GLYAT: variants seen among roughly 807,000 people sequenced by gnomAD.
GLYAT encodes glycine-N-acyltransferase.
Under a neutral mutation model 22.8 loss-of-function variants are expected in GLYAT, and 25 were observed. That is an observed-to-expected ratio of 1.09 (90% confidence interval 0.80 to 1.53). The LOEUF is 1.53. Ranked by LOEUF, GLYAT falls within the 40% of genes most tolerant of loss-of-function variation. GLYAT has a pLI of 0.00. For synonymous variants in GLYAT, 140 were observed against 122.7 expected (o/e 1.14, Z -0.93); for missense variants, 411 against 353.9 (o/e 1.16, Z -1.29).
intron 2 of GLYAT, among the ~76,000 whole-genome samples, chr11:58,718,881 A>G (rs762649455): frequency 8.6e-5 from 13 of 152,028 alleles, no homozygotes; most frequent in Non-Finnish European, 1.8e-4. Context: ...TATGATTATT[A>G]TTGATAATGT....
chr11:58,719,678 C>A (rs1590671108), intron 2 of GLYAT, among the ~76,000 whole-genome samples: 1 of 151,878 alleles, frequency 6.6e-6, no homozygotes, highest in Non-Finnish European at 1.5e-5. Context: ...GAAGATGAGG[C>A]TTTAATTGCT....
chr11:58,718,798 A>G (rs1203120314), intron 2 of GLYAT, among the ~76,000 whole-genome samples: 1 of 151,994 alleles, frequency 6.6e-6, no homozygotes, highest in East Asian at 1.9e-4. Flanking sequence ...TCCATGGATT[A>G]AAAAAAGGTT....
chr11:58,715,916 A>G (rs1169874595), intron 2 of GLYAT, among the ~76,000 whole-genome samples: 4 of 152,150 alleles, frequency 2.6e-5, no homozygotes, highest in Non-Finnish European at 5.9e-5. Flanking sequence ...ATGGGTACCT[A>G]CCATTTTCTT....
intron 1 of GLYAT, among the ~76,000 whole-genome samples, chr11:58,726,241 T>TA (rs1231954839): frequency 6.6e-6 from 1 of 152,138 alleles, no homozygotes. Context: ...CCTGACTATC[T>TA]ACCTTGTGTA....
chr11:58,731,527 G>C (rs898895686), intron 1 of GLYAT, among the ~76,000 whole-genome samples: 4 of 151,954 alleles, frequency 2.6e-5, no homozygotes, highest in Non-Finnish European at 5.9e-5. Context: ...AAGTGGAAGA[G>C]GTGTCACAAA....
intron 2 of GLYAT, 39 bp from the exon 3 acceptor site, chr11:58,715,462 G>A: frequency 1.1e-6 from 1 of 874,734 alleles, no homozygotes; most frequent in South Asian, 1.4e-5. Context: ...TGGTTTATTT[G>A]AAAAAAACAG....
intron 1 of GLYAT, among the ~76,000 whole-genome samples, chr11:58,726,549 G>A (rs912323873): frequency 1.3e-5 from 2 of 152,046 alleles, no homozygotes; most frequent in African/African-American, 2.4e-5. Context: ...CTTTTTCTTA[G>A]CCCTGTCCTC....
rs778428022 is a variant in GLYAT at position 58,712,831 on chromosome 11, T to A, written c.245A>T (p.Asp82Val). 39 of 1,609,250 alleles carry A rather than the reference T, an allele frequency of 2.4e-5. No homozygotes were observed. Among genetic ancestry groups the A allele is most frequent in the Admixed American group, 1.7e-4 (10 of 59,944 alleles). The change falls in exon 4 of 6, where the codon GAT becomes GTT. Residue 82 changes from aspartate (D) to valine (V), a missense_variant. Coordinates refer to ENST00000344743, the MANE Select transcript of GLYAT (RefSeq NM_201648.3). ...YTNTYQIYSK[D>V]PQNCQEFLGS... ...AAGGAATTCCTGACAGTTTTGGGGA[T>A]CTTTGGAGTAGATTTGGTAAGTATT...
chr11:58,725,195 C>T (rs1856799459), intron 1 of GLYAT, among the ~76,000 whole-genome samples: 3 of 152,250 alleles, frequency 2.0e-5, no homozygotes, highest in Non-Finnish European at 4.4e-5. Context: ...CTTGTACTTT[C>T]ACCAAGCCTC....
At chr11:58,731,058 G>A (rs1422132661) in intron 1 of GLYAT, among the ~76,000 whole-genome samples, 1 of 152,104 alleles carries the variant, frequency 6.6e-6, no homozygotes, top group Non-Finnish European at 1.5e-5. Context: ...GAATAAATAA[G>A]TAAATGGTGG....
chr11:58,716,912 A>G (rs1285953827), intron 2 of GLYAT, among the ~76,000 whole-genome samples: 1 of 152,082 alleles, frequency 6.6e-6, no homozygotes, highest in Non-Finnish European at 1.5e-5. Context: ...GAAAAGTGGG[A>G]CTTCTTGAAG....
Position 58,715,396 on chromosome 11 carries a change from G to A in GLYAT, c.109C>T (p.His37Tyr), listed in dbSNP as rs1253631598. Residue 37 changes from histidine to tyrosine, a missense_variant, in exon 3 of 6, where the codon CAT (histidine) becomes TAT (tyrosine). Coordinates refer to ENST00000344743, the MANE Select transcript of GLYAT (RefSeq NM_201648.3). ...KVYGTVFHINHGNPFNLKAVV... is the reference protein window; with the variant it reads ...KVYGTVFHINYGNPFNLKAVV... ...GCCTTCAGATTGAATGGATTTCCATGGTTTATGTGAAAGACAGTTCCATAA... is the reference window on the plus strand; with the variant it reads ...GCCTTCAGATTGAATGGATTTCCATAGTTTATGTGAAAGACAGTTCCATAA... 1 of 1,578,356 alleles carries A rather than the reference G, an allele frequency of 6.3e-7. No individual in the cohort carries two copies. Among genetic ancestry groups the A allele is most frequent in the African/African-American group, 1.4e-5 (1 of 72,738 alleles).
chr11:58,727,445 A>C (rs975577400), intron 1 of GLYAT, among the ~76,000 whole-genome samples: 2 of 152,188 alleles, frequency 1.3e-5, no homozygotes, highest in African/African-American at 4.8e-5. Flanking sequence ...CAGGAGATAC[A>C]GGGTGCAGCT....
intron 4 of GLYAT, among the ~76,000 whole-genome samples, chr11:58,711,322 G>T (rs1433128550): frequency 6.6e-6 from 1 of 152,138 alleles, no homozygotes; most frequent in African/African-American, 2.4e-5. Flanking sequence ...ACAACAGTAG[G>T]GTGGACATGT....
chr11:58,729,860 G>T (rs1226459205), intron 1 of GLYAT, among the ~76,000 whole-genome samples: 1 of 152,160 alleles, frequency 6.6e-6, no homozygotes, highest in Non-Finnish European at 1.5e-5. Flanking sequence ...AACTCAGAAG[G>T]AAGTAACAAA....
chr11:58,710,517 T>G, intron 5 of GLYAT, 73 bp downstream of exon 5: 1 of 1,106,492 alleles, frequency 9.0e-7, no homozygotes, highest in Non-Finnish European at 1.4e-6. Context: ...AAAGCCAGAG[T>G]GAATGCAGGG....
At chr11:58,731,662 C>A (rs1480017117) in intron 1 of GLYAT, among the ~76,000 whole-genome samples, 173 bp downstream of exon 1, 5 of 152,120 alleles carry the variant, frequency 3.3e-5, no homozygotes, top group African/African-American at 1.2e-4. Context: ...TCTATTACTT[C>A]ACATAGTTAC....
At chr11:58,712,210 T>TA (rs1856624612) in intron 4 of GLYAT, among the ~76,000 whole-genome samples, 2 of 152,224 alleles carry the variant, frequency 1.3e-5, no homozygotes, top group Non-Finnish European at 2.9e-5. Context: ...AAGCACTTCC[T>TA]AGTCACTTTC....
chr11:58,722,151 A>G (rs1046873198), intron 2 of GLYAT, among the ~76,000 whole-genome samples: 7 of 152,200 alleles, frequency 4.6e-5, no homozygotes, highest in African/African-American at 1.7e-4. Flanking sequence ...AGACCTCAGC[A>G]AATTGTCCTA....
Sources: allele counts gnomAD v4.1 joint callset (sites outside exome capture counted in the v4.1 genomes callset), GRCh38; gene constraint gnomAD v4.1.1; transcripts MANE v1.5; gene names NCBI Gene and HGNC (gene_info 2026-07-23, HGNC 2026-07-21).